Variants in ZNF44 observed in about 807,000 individuals in gnomAD.
ZNF44 encodes zinc finger protein 44, also known as gonadotropin inducible transcription repressor-2.
In ZNF44, 9 loss-of-function variants were observed where a neutral mutation model predicts 11.7. That is an observed-to-expected ratio of 0.77 (90% CI 0.46 to 1.35). ZNF44 has a LOEUF of 1.35. Among genes scored for constraint, ZNF44 ranks in the 40% most tolerant of loss-of-function variants. ZNF44 has a pLI of 0.00. For synonymous variants in ZNF44, 224 were observed against 242.7 expected, an observed-to-expected ratio of 0.92 and a Z score of 0.72; for missense variants, 696 against 743.1, an observed-to-expected ratio of 0.94 and a Z score of 0.74.
At chr19:12,294,664 C>T (rs1265118778) in intron 1 of ZNF44, 28 bp downstream of exon 1, 2 of 1,557,126 alleles carry the variant, frequency 1.3e-6, no homozygotes, top group Non-Finnish European at 1.7e-6. Flanking sequence ...TTCGCCCTGC[C>T]TCAGGACGCC....
chr19:12,265,291 G>C (rs571344271), intron 5 of ZNF44, among the ~76,000 whole-genome samples: 1 of 152,054 alleles, frequency 6.6e-6, no homozygotes, highest in African/African-American at 2.4e-5. Context: ...AGGCTGAAGT[G>C]GGAAGATCGG....
chr19:12,225,044 G>T (rs1366633952), downstream of ZNF44: 1 of 152,206 alleles, frequency 6.6e-6, no homozygotes, highest in African/African-American at 2.4e-5. Context: ...GGCAGTTTTT[G>T]ATTAAGGTGA....
chr19:12,283,022 A>T (rs994317782), intron 1 of ZNF44, among the ~76,000 whole-genome samples: 2 of 152,202 alleles, frequency 1.3e-5, no homozygotes, highest in African/African-American at 4.8e-5. Flanking sequence ...TTTCTCATAA[A>T]GGCATCCAAC....
intron 1 of ZNF44, chr19:12,293,136 C>T: frequency 4.3e-6 from 6 of 1,407,168 alleles, no homozygotes; most frequent in Non-Finnish European, 5.7e-6. Flanking sequence ...TCCCAAAGTG[C>T]TGGGATTACA....
At chr19:12,291,445 C>A (rs1412920358) in intron 1 of ZNF44, among the ~76,000 whole-genome samples, 2 of 152,164 alleles carry the variant, frequency 1.3e-5, no homozygotes, top group Non-Finnish European at 2.9e-5. Context: ...ACCTGAGAAA[C>A]CTATTACATG....
intron 5 of ZNF44, among the ~76,000 whole-genome samples, chr19:12,259,156 T>A (rs796893841): frequency 7.2e-5 from 11 of 152,310 alleles, no homozygotes; most frequent in African/African-American, 2.6e-4. Flanking sequence ...ATTACAGGCA[T>A]GAGCCACCGC....
exon 4 of ZNF44, chr19:12,226,388 T>C (rs1333781140): frequency 1.3e-5 from 2 of 152,236 alleles, no homozygotes; most frequent in Admixed American, 1.3e-4. Flanking sequence ...TCGGAAACCC[T>C]GTACAGGGAC....
intron 1 of ZNF44, among the ~76,000 whole-genome samples, chr19:12,279,502 C>G: frequency 6.6e-6 from 1 of 151,930 alleles, no homozygotes; most frequent in Middle Eastern, 3.4e-3. Flanking sequence ...AAAAAAACCC[C>G]AGAGAAATAA....
chr19:12,279,313 G>C (rs1239599130), intron 1 of ZNF44, among the ~76,000 whole-genome samples: 2 of 152,142 alleles, frequency 1.3e-5, no homozygotes, highest in African/African-American at 4.8e-5. Context: ...TTGAGGCCAG[G>C]AGTTTGAGAC....
At chr19:12,249,244 A>G (rs1025720500) in intron 7 of ZNF44, among the ~76,000 whole-genome samples, 1 of 151,056 alleles carries the variant, frequency 6.6e-6, no homozygotes, top group African/African-American at 2.4e-5. Flanking sequence ...GGTGGCTCAC[A>G]CCTGTAATCC....
chr19:12,256,144 C>T lies in ZNF44; in HGVS notation c.1913-5776G>A, dbSNP rs1465326176. 2.0e-5 allele frequency among the ~76,000 whole-genome samples: 3 copies of T among 151,310 alleles called. No individual in the cohort carries two copies. In the East Asian group the frequency reaches 5.8e-4, roughly 29 times the overall value. On this transcript the variant is annotated intron_variant and NMD_transcript_variant, in intron 5 of 7. Transcript: ENST00000393337. ...TCTAGAAGCCTCTGTGGTAAAAATA[C>T]CCATTCAAGGTGGGCCAACCCGCAA...
intron 1 of ZNF44, among the ~76,000 whole-genome samples, 163 bp downstream of exon 1, chr19:12,294,529 C>A (rs1968162104): frequency 6.6e-6 from 1 of 152,220 alleles, no homozygotes; most frequent in Non-Finnish European, 1.5e-5. Context: ...CGGCCCAGCC[C>A]CACCCTGCGG....
At chr19:12,250,446 G>A (rs1916944206) in intron 5 of ZNF44, 2 of 1,175,712 alleles carry the variant, frequency 1.7e-6, no homozygotes, top group East Asian at 9.8e-5. Flanking sequence ...GTCATAAGAT[G>A]TTCACGATGA....
At chr19:12,276,414 AAG>A (rs1319223277) in intron 1 of ZNF44, among the ~76,000 whole-genome samples, 1 of 152,294 alleles carries the variant, frequency 6.6e-6, no homozygotes, top group East Asian at 1.9e-4. Context: ...TACTGTGCAA[AAG>A]AGAGTTACAA....
intron 5 of ZNF44, among the ~76,000 whole-genome samples, chr19:12,250,544 C>T (rs1053254641): frequency 5.9e-5 from 9 of 152,176 alleles, no homozygotes; most frequent in African/African-American, 1.9e-4. Flanking sequence ...TATGAACACA[C>T]GAAAATTATT....
chr19:12,269,773 T>TC (rs201705568), downstream of ZNF44, among the ~76,000 whole-genome samples: 207 of 152,288 alleles, frequency 1.4e-3, no homozygotes, highest in African/African-American at 4.8e-3. Context: ...ATGGGATTTC[T>TC]CCCCAATGAG....
rs1312215408 is a variant in ZNF44 at position 12,293,122 on chromosome 19, G to A, written c.3+1570C>T. ...TGACCTCAGGTGATCCGCCCGCCTCGGCTTCCCAAAGTGCTGGGATTACAG... is the reference window on the plus strand; with the variant it reads ...TGACCTCAGGTGATCCGCCCGCCTCAGCTTCCCAAAGTGCTGGGATTACAG... On this transcript the variant is annotated intron_variant, in intron 1 of 3. Coordinates refer to ENST00000355684, the MANE Select transcript of ZNF44 (RefSeq NM_016264.4). 3.4e-5 allele frequency: 45 copies of A among 1,328,826 alleles called. No individual in the cohort carries two copies. In the East Asian group the frequency reaches 8.6e-4, roughly 25 times the overall value. The allele number at this position is 1,328,826 out of a possible 1,614,324, so 82.3% of individuals were successfully genotyped here.
At chr19:12,263,349 G>A (rs970289187) in intron 5 of ZNF44, among the ~76,000 whole-genome samples, 26 of 151,992 alleles carry the variant, frequency 1.7e-4, no homozygotes, top group Non-Finnish European at 1.5e-5. Context: ...GCCTCCCAAA[G>A]TGCTGGGATT....
In ZNF44 at chr19:12,286,744, A is replaced by G. The variant is rs192080874; in HGVS notation, c.3+7948T>C. 2.6e-4 allele frequency among the ~76,000 whole-genome samples: 40 copies of G among 151,686 alleles called. No individual in the cohort carries two copies. In the East Asian group the frequency reaches 7.6e-3, roughly 29 times the overall value. ...GGCAGGTGGATCTCTTGAGGTCAGG[A>G]GTTCGAGACCAGCCTGGCCAACATG... is the stretch of plus-strand genomic sequence containing the variant. On this transcript the variant is annotated intron_variant, in intron 1 of 3. Transcript: ENST00000355684.
Sources: allele counts gnomAD v4.1 joint callset (sites outside exome capture counted in the v4.1 genomes callset), GRCh38; gene constraint gnomAD v4.1.1; transcripts MANE v1.5; gene names NCBI Gene and HGNC (gene_info 2026-07-23, HGNC 2026-07-21).